The following CCNC variants were observed in gnomAD, a reference collection of about 807,000 sequenced individuals.
The protein encoded by CCNC is cyclin C, also known as cyclin-C.
A neutral mutation model predicts 50.0 loss-of-function variants in CCNC; 19 were observed. That is an observed-to-expected ratio of 0.38 (90% CI 0.27 to 0.56). The LOEUF (loss-of-function observed/expected upper bound fraction) is 0.56, where lower values mean the gene tolerates loss of function less well. Ranked by LOEUF, CCNC falls within the 20% of genes least tolerant of loss-of-function variation. The pLI, the probability that CCNC is intolerant of heterozygous loss-of-function variation, is 0.72. For missense variants in CCNC, 200 were observed against 327.1 expected (o/e 0.61, Z 3.00); for synonymous variants, 93 against 103.7 (o/e 0.90, Z 0.63).
intron 5 of CCNC, among the ~76,000 whole-genome samples, chr6:99,555,343 C>T (rs540215966): frequency 3.5e-4 from 54 of 152,284 alleles, no homozygotes; most frequent in Admixed American, 6.5e-4. Context: ...CTACCTCCAC[C>T]CCCACATTGT....
upstream of CCNC, chr6:99,568,698 G>T (rs1037611642): frequency 2.7e-6 from 4 of 1,461,814 alleles, no homozygotes; most frequent in East Asian, 7.5e-5. Flanking sequence ...TCTCCTTCAC[G>T]CCGGCCGACA....
intron 6 of CCNC, among the ~76,000 whole-genome samples, chr6:99,551,419 C>T (rs1456790411): frequency 6.6e-6 from 1 of 152,106 alleles, no homozygotes; most frequent in African/African-American, 2.4e-5. Flanking sequence ...AAATCCCTTG[C>T]AAGGTGGAAA....
chr6:99,546,668 A>G (rs1802083609), intron 9 of CCNC, among the ~76,000 whole-genome samples, 194 bp from the exon 10 acceptor site: 2 of 152,236 alleles, frequency 1.3e-5, no homozygotes, highest in African/African-American at 4.8e-5. Context: ...GATTACATCA[A>G]GTTCTTGACA....
intron 1 of CCNC, among the ~76,000 whole-genome samples, chr6:99,567,926 T>G (rs541937994): frequency 9.2e-5 from 14 of 152,230 alleles, no homozygotes; most frequent in Admixed American, 3.3e-4. Context: ...ATGGATAAAT[T>G]TAGAGGGCAC....
intron 11 of CCNC, 196 bp from the exon 12 acceptor site, chr6:99,543,805 T>C (rs532329510): frequency 1.4e-6 from 2 of 1,397,664 alleles, no homozygotes; most frequent in Non-Finnish European, 1.9e-6. Flanking sequence ...TATTCTTATA[T>C]AACTTTGTGC....
At chr6:99,558,289 A>G (rs2114363869) in intron 5 of CCNC, 1 of 600,040 alleles carries the variant, frequency 1.7e-6, no homozygotes, top group Non-Finnish European at 2.5e-6. Flanking sequence ...CCATTTTAAC[A>G]TTAAAAGTAA....
chr6:99,558,073 A>G (rs1245012890), intron 5 of CCNC: 1 of 186,638 alleles, frequency 5.4e-6, no homozygotes. Flanking sequence ...ACTGTTCTAA[A>G]AGCTTATATT....
chr6:99,550,814 A>T (rs980726336), intron 7 of CCNC, 179 bp downstream of exon 7: 2 of 312,536 alleles, frequency 6.4e-6, no homozygotes, highest in African/African-American at 4.3e-5. Flanking sequence ...TATACAAATT[A>T]TTTTACAGGC....
chr6:99,557,603 G>C (rs1473036033), intron 5 of CCNC: 1 of 152,046 alleles, frequency 6.6e-6, no homozygotes, highest in African/African-American at 2.4e-5. Flanking sequence ...TCAGGAGTTT[G>C]AGACTAGTCT....
intron 1 of CCNC, among the ~76,000 whole-genome samples, chr6:99,564,960 T>C (rs1769057460): frequency 6.6e-6 from 1 of 152,144 alleles, no homozygotes; most frequent in Non-Finnish European, 1.5e-5. Context: ...AAATATGTTG[T>C]CAAATGCTTA....
rs756503282 is a variant in CCNC, at chr6:99,561,624, G to A, written c.197C>T (p.Thr66Met). The A allele has an allele frequency of 7.5e-6, 12 of 1,609,480 alleles. No homozygotes were observed. The highest frequency in any genetic ancestry group is 2.2e-5 in the East Asian group (1 of 44,714). Residue 66 changes from threonine to methionine, a missense_variant, in exon 3 of 12, where the codon ACG (threonine) becomes ATG (methionine). Thr to Met is a moderately conservative substitution (Grantham distance 81, BLOSUM62 -1). Transcript: ENST00000520429. ...GGCATAGAATCTCTTGAAATATACC[G>A]TAGCAGTGGCAATAACTTGTTGTCT... The part of the protein sequence containing the change: ...KLRQQVIATA[T>M]VYFKRFYARY...
chr6:99,545,345 A>G (rs1265811939), intron 10 of CCNC, 115 bp from the exon 11 acceptor site: 5 of 614,234 alleles, frequency 8.1e-6, no homozygotes, highest in African/African-American at 5.5e-5. Context: ...CTGTCCTTAA[A>G]TCCTGATAAA....
intron 1 of CCNC, among the ~76,000 whole-genome samples, chr6:99,564,183 G>A (rs1263293365): frequency 2.6e-5 from 4 of 152,088 alleles, no homozygotes; most frequent in Non-Finnish European, 4.4e-5. Flanking sequence ...TTAGCACTCT[G>A]GGAGGCCGAG....
At position 99,545,212 on chromosome 6, in the gene CCNC, C is replaced by A. The variant is rs1165185165; in HGVS notation, c.697G>T (p.Val233Phe). ...DMEKILEIIR[V>F]ILKLYEQWKN... ...CACTGCTCATATAGTTTTAAAATAA[C>A]CCTGATTATTTCCAAAATCTAGAAG... Residue 233 changes from valine (V) to phenylalanine (F), a missense_variant, in exon 11 of 12, where the codon GTT (valine) becomes TTT (phenylalanine). By Grantham distance (50) the Val-to-Phe change is conservative. Transcript: ENST00000520429. The A allele has an allele frequency of 1.9e-6, 3 of 1,572,498 alleles. No homozygotes were observed. Among genetic ancestry groups the A allele is most frequent in the Non-Finnish European group, 2.6e-6 (3 of 1,144,152 alleles).
rs115179612 is a variant in CCNC, at chr6:99,564,153, G to A, written c.33-1205C>T. 7.5e-3 allele frequency among the ~76,000 whole-genome samples: 1,147 copies of A among 152,114 alleles called. 16 individuals carry two copies. The highest frequency in any genetic ancestry group is 0.026 in the African/African-American group (1,099 of 41,516). ...ATAATATTTAATCCTGGCCGGGCGCGGTGGCTCATGCCTGTAATTTTAGCA... is the reference window on the plus strand; with the variant it reads ...ATAATATTTAATCCTGGCCGGGCGCAGTGGCTCATGCCTGTAATTTTAGCA... On this transcript the variant is annotated intron_variant, in intron 1 of 11. Transcript: ENST00000520429.
chr6:99,555,481 A>G (rs1447468460), intron 5 of CCNC, among the ~76,000 whole-genome samples: 1 of 151,760 alleles, frequency 6.6e-6, no homozygotes, highest in Non-Finnish European at 1.5e-5. Context: ...TCCATTGCCC[A>G]GGCTGGAGTG....
intron 11 of CCNC, chr6:99,543,865 A>ACCACCTCCAAACAGGTACTTTGTAG: frequency 7.6e-7 from 1 of 1,313,736 alleles, no homozygotes. Flanking sequence ...TATACTCAAA[A>ACCACCTCCAAACAGGTACTTTGTAG]ACTTTAAATT....
intron 9 of CCNC, among the ~76,000 whole-genome samples, chr6:99,547,757 G>A (rs756607952): frequency 6.6e-6 from 1 of 152,160 alleles, no homozygotes; most frequent in Non-Finnish European, 1.5e-5. Context: ...GAAACCACTA[G>A]CCTAGCTCAA....
At position 99,562,868 on chromosome 6, in the gene CCNC, C is replaced by A; in HGVS notation, c.113G>T (p.Trp38Leu). ...ATTTGTAAAAAATATTTGTAACTTC[C>A]AATATTCTTCCTCTGAGAGAAACTT... ...DLKFLSEEEYWKLQIFFTNVI... is the reference protein window; with the variant it reads ...DLKFLSEEEYLKLQIFFTNVI... Residue 38 changes from tryptophan (W) to leucine (L), a missense_variant, in exon 2 of 12, where the codon TGG (tryptophan) becomes TTG (leucine). Coordinates refer to ENST00000520429, the MANE Select transcript of CCNC (RefSeq NM_005190.4). The A allele has an allele frequency of 6.3e-7, 1 of 1,599,142 alleles. No homozygotes were observed. The highest frequency in any genetic ancestry group is 8.5e-7 in the Non-Finnish European group (1 of 1,172,184).
Sources: gnomAD v4.1 joint callset for allele counts (sites outside exome capture counted in the v4.1 genomes callset) on GRCh38, gnomAD v4.1.1 for gene constraint, MANE v1.5 for transcripts, NCBI Gene and HGNC (gene_info 2026-07-23, HGNC 2026-07-21) for gene names.